The following C10orf67 variants were observed in gnomAD, a reference collection of about 807,000 sequenced individuals.
C10orf67 encodes chromosome 10 open reading frame 67, also known as uncharacterized protein C10orf67, mitochondrial.
Under a neutral mutation model 35.6 loss-of-function variants are expected in C10orf67, and 60 were observed. The observed-to-expected ratio is 1.68, with a 90% CI of 1.37 to 2.09. C10orf67 has a LOEUF of 2.09. Among genes scored for constraint, C10orf67 ranks in the 30% most tolerant of loss-of-function variants. The pLI is 0.00. For missense variants in C10orf67, 474 were observed against 330.2 expected, an observed-to-expected ratio of 1.44 and a Z score of -3.38; for synonymous variants, 167 against 115.8, an observed-to-expected ratio of 1.44 and a Z score of -2.84.
chr10:23,301,964 ATCCT>A (rs1308285426), intron 5 of C10orf67, among the ~76,000 whole-genome samples: 23 of 152,218 alleles, frequency 1.5e-4, no homozygotes, highest in African/African-American at 5.3e-4. Flanking sequence ...CACAGCAGAC[ATCCT>A]GCTGGATCCA....
chr10:23,272,895 T>A (rs1464529525), intron 8 of C10orf67, among the ~76,000 whole-genome samples: 5 of 152,254 alleles, frequency 3.3e-5, no homozygotes, highest in Admixed American at 3.3e-4. Context: ...TAACTGTACA[T>A]GTTTTATGCG....
rs566673672 is a variant in C10orf67, at chr10:23,336,229, C to T, written c.207-3047G>A. On this transcript the variant is annotated intron_variant, in intron 1 of 15. Coordinates refer to ENST00000636213, the MANE Select transcript of C10orf67 (RefSeq NM_001371909.1). ...CAGTTCTAGGAAAGATATTTACAAA[C>T]ATAGGGAAAGAGTAGACTAGAAAGT... 2.2e-3 allele frequency among the ~76,000 whole-genome samples: 329 copies of T among 152,122 alleles called. 4 individuals are homozygous for T. Among genetic ancestry groups the T allele is most frequent in the African/African-American group, 7.7e-3 (319 of 41,496 alleles).
intron 3 of C10orf67, among the ~76,000 whole-genome samples, chr10:23,321,941 C>G (rs1844971821): frequency 6.6e-6 from 1 of 152,122 alleles, no homozygotes; most frequent in African/African-American, 2.4e-5. Context: ...GCCTGCAACA[C>G]CACATCTGGC....
chr10:23,205,337 T>G (rs1226617075), intron 15 of C10orf67, among the ~76,000 whole-genome samples: 1 of 152,216 alleles, frequency 6.6e-6, no homozygotes, highest in African/African-American at 2.4e-5. Flanking sequence ...TAAAGGGCAT[T>G]GTTTTCTGCA....
At chr10:23,213,550 T>G (rs987881526) in intron 15 of C10orf67, among the ~76,000 whole-genome samples, 3 of 152,180 alleles carry the variant, frequency 2.0e-5, no homozygotes, top group African/African-American at 7.2e-5. Context: ...TTCCATGTCT[T>G]GCTAAATTAC....
intron 7 of C10orf67, among the ~76,000 whole-genome samples, chr10:23,288,385 C>T (rs190305517): frequency 1.3e-5 from 2 of 152,224 alleles, no homozygotes; most frequent in East Asian, 1.9e-4. Context: ...AACCAAACAC[C>T]GCATGTTCTC....
intron 1 of C10orf67, among the ~76,000 whole-genome samples, chr10:23,341,526 G>C (rs1336556196): frequency 1.3e-5 from 2 of 152,182 alleles, no homozygotes; most frequent in African/African-American, 2.4e-5. Context: ...ACAGCCGTCA[G>C]AGTAATCCCA....
intron 15 of C10orf67, among the ~76,000 whole-genome samples, chr10:23,209,759 G>C (rs372552121): frequency 4.6e-5 from 7 of 152,042 alleles, no homozygotes; most frequent in African/African-American, 1.4e-4. Flanking sequence ...CAGCACTTTG[G>C]GAGGCCGAGG....
At chr10:23,319,007 C>G (rs939896424) in intron 4 of C10orf67, 2 of 711,956 alleles carry the variant, frequency 2.8e-6, no homozygotes, top group Non-Finnish European at 5.2e-6. Context: ...TTTTTTCTTT[C>G]CAATTTTTGT....
At chr10:23,238,746 C>T (rs1220166811) in intron 13 of C10orf67, among the ~76,000 whole-genome samples, 1 of 151,996 alleles carries the variant, frequency 6.6e-6, no homozygotes. Flanking sequence ...AAAATTATAA[C>T]CTGCAGGGTG....
At chr10:23,207,718 C>T (rs1749337594) in intron 15 of C10orf67, among the ~76,000 whole-genome samples, 2 of 152,136 alleles carry the variant, frequency 1.3e-5, no homozygotes, top group South Asian at 2.1e-4. Context: ...ATCAGTACAC[C>T]GGCACTTGTA....
intron 8 of C10orf67, among the ~76,000 whole-genome samples, chr10:23,267,843 G>A (rs1842922621): frequency 6.6e-6 from 1 of 151,936 alleles, no homozygotes. Flanking sequence ...AGAGGTTGCA[G>A]TGAGCCAAGA....
At chr10:23,292,998 TTG>T (rs35211468) in intron 5 of C10orf67, among the ~76,000 whole-genome samples, 6 of 148,652 alleles carry the variant, frequency 4.0e-5, no homozygotes, top group South Asian at 2.1e-4. Flanking sequence ...CTAAAAGGTT[TTG>T]TGTGTGTGTG....
chr10:23,301,935 C>A (rs574797451), intron 5 of C10orf67, among the ~76,000 whole-genome samples: 4 of 152,172 alleles, frequency 2.6e-5, no homozygotes, highest in Admixed American at 1.3e-4. Flanking sequence ...CGGCAATGGG[C>A]GCCCCGCTGG....
At chr10:23,337,877 C>G (rs1038467038) in intron 1 of C10orf67, among the ~76,000 whole-genome samples, 3 of 152,134 alleles carry the variant, frequency 2.0e-5, no homozygotes, top group Non-Finnish European at 2.9e-5. Context: ...CAGAAGTGAC[C>G]CTGAATGACA....
intron 13 of C10orf67, among the ~76,000 whole-genome samples, chr10:23,238,718 A>G (rs1842106039): frequency 6.6e-6 from 1 of 152,246 alleles, no homozygotes; most frequent in Admixed American, 6.5e-5. Context: ...AATTTCTAAA[A>G]TGAGAATTAC....
chr10:23,326,107 G>A (rs1337601674), intron 2 of C10orf67, among the ~76,000 whole-genome samples: 2 of 152,090 alleles, frequency 1.3e-5, no homozygotes, highest in Non-Finnish European at 2.9e-5. Flanking sequence ...AAAAAGTGGG[G>A]TGGAACAAAT....
intron 8 of C10orf67, among the ~76,000 whole-genome samples, chr10:23,281,297 G>T (rs922007054): frequency 3.3e-5 from 5 of 152,206 alleles, no homozygotes; most frequent in Non-Finnish European, 7.3e-5. Flanking sequence ...GTAAAAAAGC[G>T]AATGTTTCAA....
At chr10:23,344,148 G>T (rs1290727263) in intron 1 of C10orf67, 1 of 152,946 alleles carries the variant, frequency 6.5e-6, no homozygotes, top group Non-Finnish European at 1.3e-5. Flanking sequence ...GCGAGTGGAG[G>T]GGGGTGGGGA....
Sources: gnomAD v4.1 joint callset for allele counts (sites outside exome capture counted in the v4.1 genomes callset) on GRCh38, gnomAD v4.1.1 for gene constraint, MANE v1.5 for transcripts, NCBI Gene and HGNC (gene_info 2026-07-23, HGNC 2026-07-21) for gene names.